Variants in ZFHX3 observed in about 807,000 individuals in gnomAD.
ZFHX3 encodes the protein zinc finger homeobox protein 3.
ZFHX3 carries 42 observed loss-of-function variants against 279.1 expected under a neutral mutation model. The observed-to-expected ratio is 0.15, with a 90% CI of 0.12 to 0.19. The LOEUF (loss-of-function observed/expected upper bound fraction) is 0.19, where lower values mean the gene tolerates loss of function less well. ZFHX3 is among the 10% of genes least tolerant of loss of function. ZFHX3 has a pLI of 1.00. For synonymous variants in ZFHX3, 2,293 were observed against 1,957.8 expected, an observed-to-expected ratio of 1.17 and a Z score of -4.52; for missense variants, 4,981 against 4,754.0, an observed-to-expected ratio of 1.05 and a Z score of -1.40.
chr16:73,170,482 G>A (rs965869552), intron 5 of ZFHX3, among the ~76,000 whole-genome samples: 2 of 151,864 alleles, frequency 1.3e-5, no homozygotes, highest in East Asian at 1.9e-4. Flanking sequence ...CGCCTGCCTC[G>A]GCCTCTCAAA....
At chr16:72,890,029 C>A in intron 3 of ZFHX3, 67 bp from the exon 4 acceptor site, 1 of 1,424,844 alleles carries the variant, frequency 7.0e-7, no homozygotes, top group African/African-American at 1.4e-5. Flanking sequence ...GGCATCAGCC[C>A]ACACCATCCT....
intron 5 of ZFHX3, among the ~76,000 whole-genome samples, chr16:73,253,953 T>C (rs1250023184): frequency 1.3e-5 from 2 of 152,138 alleles, no homozygotes; most frequent in Non-Finnish European, 2.9e-5. Context: ...CTTGGAGGTG[T>C]CCAGTTCAAA....
intron 3 of ZFHX3, among the ~76,000 whole-genome samples, chr16:73,326,248 G>T (rs1240788113): frequency 6.6e-6 from 1 of 152,152 alleles, no homozygotes; most frequent in African/African-American, 2.4e-5. Context: ...GGCCATTTAA[G>T]AATTTGGAAA....
intron 4 of ZFHX3, among the ~76,000 whole-genome samples, chr16:72,846,487 C>T (rs996994230): frequency 2.0e-5 from 3 of 152,216 alleles, no homozygotes; most frequent in African/African-American, 7.2e-5. Context: ...GCACTGTGAG[C>T]ATGAAAGGTA....
intron 1 of ZFHX3, among the ~76,000 whole-genome samples, chr16:73,012,879 T>A (rs957487503): frequency 6.6e-6 from 1 of 152,178 alleles, no homozygotes; most frequent in African/African-American, 2.4e-5. Flanking sequence ...TTCAAATACA[T>A]AGTATCAGAG....
intron 1 of ZFHX3, among the ~76,000 whole-genome samples, chr16:73,747,714 T>C (rs1419248084): frequency 6.6e-6 from 1 of 152,190 alleles, no homozygotes; most frequent in Non-Finnish European, 1.5e-5. Context: ...TTATTGTATA[T>C]ATACAACTTG....
At chr16:73,743,852 C>G (rs775994660) in intron 1 of ZFHX3, among the ~76,000 whole-genome samples, 1 of 152,110 alleles carries the variant, frequency 6.6e-6, no homozygotes, top group Non-Finnish European at 1.5e-5. Context: ...GCAGACACAA[C>G]TCTAGGGGGC....
At chr16:73,357,989 G>A (rs1030562075) in intron 3 of ZFHX3, among the ~76,000 whole-genome samples, 6 of 152,134 alleles carry the variant, frequency 3.9e-5, no homozygotes, top group African/African-American at 1.2e-4. Flanking sequence ...ATCCCCTCTC[G>A]GGAGCATCTT....
At chr16:73,819,013 G>C (rs538049763) in intron 1 of ZFHX3, among the ~76,000 whole-genome samples, 1 of 152,164 alleles carries the variant, frequency 6.6e-6, no homozygotes, top group Non-Finnish European at 1.5e-5. Context: ...CAATGAAGTT[G>C]ATCTCTGTGT....
intron 1 of ZFHX3, among the ~76,000 whole-genome samples, chr16:73,767,278 C>A (rs2053960931): frequency 6.6e-6 from 1 of 152,114 alleles, no homozygotes; most frequent in Admixed American, 6.6e-5. Flanking sequence ...ATTACCTTTG[C>A]ACCAACCTAA....
intron 3 of ZFHX3, among the ~76,000 whole-genome samples, chr16:73,333,451 T>C (rs755145125): frequency 3.3e-5 from 5 of 151,952 alleles, no homozygotes; most frequent in Non-Finnish European, 7.4e-5. Context: ...CACAGATACA[T>C]AGACACATAG....
In ZFHX3 at chr16:73,721,765, C is replaced by T. The variant is rs149742728; in HGVS notation, c.-1607-41525G>A. Among the ~76,000 whole-genome samples, 436 of 152,266 alleles carry T rather than the reference C, an allele frequency of 2.9e-3. 3 individuals carry two copies. The highest frequency in any genetic ancestry group is 3.9e-3 in the Non-Finnish European group (268 of 68,018). On this transcript the variant is annotated intron_variant, in intron 1 of 17. Transcript: ENST00000641206. ...AGTTATAAACAATACCACTAGTGGG[C>T]CAGGCACAATGGCTCACACTGGTTA...
At chr16:73,410,811 G>C (rs766407764) in intron 3 of ZFHX3, among the ~76,000 whole-genome samples, 1 of 152,200 alleles carries the variant, frequency 6.6e-6, no homozygotes, top group Non-Finnish European at 1.5e-5. Context: ...TAAAACATGT[G>C]TGTTACACAC....
At chr16:73,417,400 T>TTC (rs1555515188) in intron 3 of ZFHX3, among the ~76,000 whole-genome samples, 5 of 145,762 alleles carry the variant, frequency 3.4e-5, no homozygotes, top group East Asian at 2.0e-4. Flanking sequence ...TCTTTTCTTT[T>TTC]TTTTTTTTTT....
At chr16:73,268,946 T>G (rs1244050258) in intron 4 of ZFHX3, among the ~76,000 whole-genome samples, 1 of 152,170 alleles carries the variant, frequency 6.6e-6, no homozygotes, top group Non-Finnish European at 1.5e-5. Flanking sequence ...TCTACAGCAG[T>G]GCCCACCAAT....
At chr16:73,213,690 GC>G (rs1217467757) in intron 5 of ZFHX3, among the ~76,000 whole-genome samples, 4 of 152,150 alleles carry the variant, frequency 2.6e-5, no homozygotes. Context: ...CACGGGTGAT[GC>G]TTTTGTGAAT....
chr16:73,025,929 C>T (rs1018470645), intron 1 of ZFHX3, among the ~76,000 whole-genome samples: 1 of 152,146 alleles, frequency 6.6e-6, no homozygotes, highest in African/African-American at 2.4e-5. Context: ...ACTCAAACTT[C>T]ACCCAATGTG....
intron 5 of ZFHX3, among the ~76,000 whole-genome samples, chr16:73,197,086 A>G (rs1968166537): frequency 6.6e-6 from 1 of 152,100 alleles, no homozygotes; most frequent in African/African-American, 2.4e-5. Flanking sequence ...TAAAACCATC[A>G]TGTTAAACAA....
chr16:73,537,751 T>A (rs994963312), intron 2 of ZFHX3, among the ~76,000 whole-genome samples: 6 of 152,190 alleles, frequency 3.9e-5, no homozygotes, highest in African/African-American at 7.2e-5. Context: ...AGGAGTCCCA[T>A]GAAAAGATGC....
Sources: allele counts gnomAD v4.1 joint callset (sites outside exome capture counted in the v4.1 genomes callset), GRCh38; gene constraint gnomAD v4.1.1; transcripts MANE v1.5; gene names NCBI Gene and HGNC (gene_info 2026-07-23, HGNC 2026-07-21).